Variants in EYS observed in about 807,000 individuals in gnomAD.
EYS encodes protein eyes shut homolog.
In EYS, 250 loss-of-function variants were observed where a neutral mutation model predicts 282.1. The ratio of observed to expected loss-of-function variants is 0.89; its 90% CI spans 0.80 to 0.98. EYS has a LOEUF of 0.98. EYS is among the 50% of genes least tolerant of loss of function. The pLI, the probability that EYS is intolerant of heterozygous loss-of-function variation, is 0.00. For missense variants in EYS, 4,016 were observed against 3,709.0 expected (o/e 1.08, Z -2.15); for synonymous variants, 1,355 against 1,282.9 (o/e 1.06, Z -1.20).
intron 37 of EYS, among the ~76,000 whole-genome samples, chr6:63,792,305 C>G (rs1770537181): frequency 6.6e-6 from 1 of 151,888 alleles, no homozygotes; most frequent in Non-Finnish European, 1.5e-5. Flanking sequence ...TCTGCTACTC[C>G]TTCAACTCTA....
chr6:64,466,636 G>A (rs1328653451), intron 26 of EYS, among the ~76,000 whole-genome samples: 1 of 152,082 alleles, frequency 6.6e-6, no homozygotes, highest in Non-Finnish European at 1.5e-5. Flanking sequence ...GATATACAGT[G>A]TCAATTAGAA....
chr6:64,283,641 A>G (rs1768390385), intron 30 of EYS, among the ~76,000 whole-genome samples: 2 of 152,186 alleles, frequency 1.3e-5, no homozygotes, highest in African/African-American at 4.8e-5. Flanking sequence ...TAACAGGGGT[A>G]TGCTTTTGGA....
chr6:64,817,422 T>C (rs1254371379), intron 21 of EYS, among the ~76,000 whole-genome samples: 1 of 152,156 alleles, frequency 6.6e-6, no homozygotes, highest in Non-Finnish European at 1.5e-5. Flanking sequence ...ATGTAAATTA[T>C]ATTAAATAAA....
At chr6:65,416,826 A>G (rs1284895232) in intron 5 of EYS, among the ~76,000 whole-genome samples, 2 of 152,020 alleles carry the variant, frequency 1.3e-5, no homozygotes, top group African/African-American at 4.8e-5. Context: ...ACCAAGTAGG[A>G]TGATAATTTG....
rs1357781913 is a variant in EYS, at chr6:64,960,951, T to C, written c.2260-15037A>G. ...GGTTAGTTTGCTAAAGATAATGGCC[T>C]CCAGCTCCATCCATATCCCTGCAAA... On this transcript the variant is annotated intron_variant, in intron 14 of 42. Transcript: ENST00000503581. 3.3e-5 allele frequency among the ~76,000 whole-genome samples: 5 copies of C among 152,154 alleles called. No individual in the cohort carries two copies. In the East Asian group the frequency reaches 7.7e-4, roughly 23 times the overall value.
chr6:64,741,513 A>C lies in EYS; in HGVS notation c.3443+71865T>G, dbSNP rs115383770. 2.4e-3 allele frequency among the ~76,000 whole-genome samples: 372 copies of C among 152,298 alleles called. 2 individuals are homozygous for C. Among genetic ancestry groups the C allele is most frequent in the African/African-American group, 8.7e-3 (360 of 41,562 alleles). ...TAGCAAGAGGCAACTTGTCCTTTGA[A>C]GCTTTGAAGCCAGGCACTGAATTCT... On this transcript the variant is annotated intron_variant, in intron 22 of 42. Coordinates refer to ENST00000503581, the MANE Select transcript of EYS (RefSeq NM_001142800.2).
chr6:64,511,111 T>TA lies in EYS; in HGVS notation c.5645-71760dup, dbSNP rs71551593. Among the ~76,000 whole-genome samples, 424 of 151,050 alleles carry TA rather than the reference T, an allele frequency of 2.8e-3. 2 individuals carry two copies. Among genetic ancestry groups the TA allele is most frequent in the African/African-American group, 9.5e-3 (390 of 41,210 alleles). The stretch of plus-strand genomic sequence containing the variant: ...TAGTAGGCAAAGATTTCTTTATAAA[T>TA]AAAAAAAATCACTAAAATCAATGAT... On this transcript the variant is annotated intron_variant, in intron 26 of 42. Coordinates refer to ENST00000503581, the MANE Select transcript of EYS (RefSeq NM_001142800.2).
intron 31 of EYS, among the ~76,000 whole-genome samples, chr6:64,185,487 T>G (rs188456711): frequency 2.6e-5 from 4 of 152,316 alleles, no homozygotes; most frequent in Admixed American, 2.0e-4. Flanking sequence ...GCCTTTTCTG[T>G]AATCAGTGAA....
chr6:64,168,466 A>G (rs1306427814), intron 31 of EYS, among the ~76,000 whole-genome samples: 1 of 152,204 alleles, frequency 6.6e-6, no homozygotes, highest in Admixed American at 6.5e-5. Flanking sequence ...AAGAGAAATA[A>G]AAACATGTCC....
chr6:65,167,282 G>T (rs556000075), intron 12 of EYS, among the ~76,000 whole-genome samples: 72 of 151,378 alleles, frequency 4.8e-4, no homozygotes, highest in Non-Finnish European at 1.0e-3. Context: ...TGTGGTAGAT[G>T]CATACAAGGG....
At chr6:63,835,597 G>A (rs549148442) in intron 36 of EYS, among the ~76,000 whole-genome samples, 1 of 152,092 alleles carries the variant, frequency 6.6e-6, no homozygotes, top group South Asian at 2.1e-4. Flanking sequence ...GTGGGAGGGA[G>A]GCGAGAGATT....
At chr6:64,802,768 T>G in intron 22 of EYS, among the ~76,000 whole-genome samples, 1 of 152,242 alleles carries the variant, frequency 6.6e-6, no homozygotes. Flanking sequence ...TTTGCCAATT[T>G]GCTTCATGTA....
At chr6:65,621,401 G>A (rs1332506430) in intron 2 of EYS, among the ~76,000 whole-genome samples, 1 of 151,024 alleles carries the variant, frequency 6.6e-6, no homozygotes, top group Non-Finnish European at 1.5e-5. Context: ...TTTTCCATTG[G>A]CTTGGTAGAT....
At chr6:65,153,272 C>T (rs1350162091) in intron 12 of EYS, among the ~76,000 whole-genome samples, 2 of 151,522 alleles carry the variant, frequency 1.3e-5, no homozygotes, top group Admixed American at 1.3e-4. Flanking sequence ...CTCACAGTTC[C>T]AGTCAATATT....
In EYS at chr6:64,707,402, G is replaced by A. The variant is rs1051010907; in HGVS notation, c.3444-81157C>T. On this transcript the variant is annotated intron_variant, in intron 22 of 42. Coordinates refer to ENST00000503581, the MANE Select transcript of EYS (RefSeq NM_001142800.2). The stretch of plus-strand genomic sequence containing the variant: ...TACATATTGGGGGCCAGGCATGGTG[G>A]CTCACGCCTGTAATCCCAGCACTTT... Among the ~76,000 whole-genome samples the A allele has an allele frequency of 1.2e-4, 18 of 152,194 alleles. No homozygotes were observed. The East Asian group carries it at 2.3e-3, about 20-fold the overall frequency.
intron 1 of EYS, among the ~76,000 whole-genome samples, chr6:65,647,977 T>C (rs1767514483): frequency 6.6e-6 from 1 of 151,708 alleles, no homozygotes; most frequent in Non-Finnish European, 1.5e-5. Flanking sequence ...AAAACCACGA[T>C]GTGCTACCAT....
rs1486743340 is a variant in EYS at position 65,295,913 on chromosome 6, C to G, written c.1973G>C (p.Ser658Thr). 24 of 1,550,608 alleles carry G rather than the reference C, an allele frequency of 1.5e-5. No individual in the cohort carries two copies. Among genetic ancestry groups the G allele is most frequent in the Admixed American group, 9.8e-5 (5 of 50,920 alleles). Residue 658 changes from serine (S) to threonine (T), a missense_variant, in exon 12 of 43, where the codon AGT becomes ACT. Physicochemically the swap from Ser to Thr is moderately conservative, Grantham distance 58 (BLOSUM62 1). Coordinates refer to ENST00000503581, the MANE Select transcript of EYS (RefSeq NM_001142800.2). The part of the protein sequence containing the change: ...KSASCKNGTT[S>T]THLRGYFFRK... ...GAAGAAATATCCCCTTAAATGTGTA[C>G]TAGTTGTTCCATTTTTGCAGGACGC...
intron 12 of EYS, among the ~76,000 whole-genome samples, chr6:65,105,013 C>T (rs765298461): frequency 1.3e-5 from 2 of 151,576 alleles, no homozygotes; most frequent in African/African-American, 2.4e-5. Flanking sequence ...AGTCTTTCCA[C>T]TAGTCTTTCC....
chr6:65,491,909 A>G (rs1357589423), intron 4 of EYS, among the ~76,000 whole-genome samples: 4 of 152,166 alleles, frequency 2.6e-5, no homozygotes, highest in Admixed American at 2.6e-4. Flanking sequence ...GAGAACATTT[A>G]CACACAGATA....
Sources: allele counts gnomAD v4.1 joint callset (sites outside exome capture counted in the v4.1 genomes callset), GRCh38; gene constraint gnomAD v4.1.1; transcripts MANE v1.5; gene names NCBI Gene and HGNC (gene_info 2026-07-23, HGNC 2026-07-21).